The following TYW1B variants were observed in gnomAD, a reference collection of about 807,000 sequenced individuals.
TYW1B encodes the protein S-adenosyl-L-methionine-dependent tRNA 4-demethylwyosine synthase TYW1B.
In TYW1B, 73 loss-of-function variants were observed where a neutral mutation model predicts 86.9. The ratio of observed to expected loss-of-function variants is 0.84; its 90% confidence interval spans 0.70 to 1.02. TYW1B has a LOEUF of 1.02. Ranked by LOEUF, TYW1B falls within the 50% of genes least tolerant of loss-of-function variation. TYW1B has a pLI of 0.00. For missense variants in TYW1B, 637 were observed against 827.4 expected (o/e 0.77, Z 2.82); for synonymous variants, 248 against 292.8 (o/e 0.85, Z 1.56).
intron 13 of TYW1B, among the ~76,000 whole-genome samples, chr7:72,601,066 A>G (rs2129568049): frequency 6.6e-6 from 1 of 152,118 alleles, no homozygotes; most frequent in East Asian, 1.9e-4. Flanking sequence ...CTGAGGCAGA[A>G]GAATCGTTTG....
intron 10 of TYW1B, among the ~76,000 whole-genome samples, chr7:72,698,352 A>G (rs544371097): frequency 6.6e-6 from 1 of 152,290 alleles, no homozygotes; most frequent in Admixed American, 6.5e-5. Flanking sequence ...ATCTATAAAG[A>G]ATAAGCATCA....
At chr7:72,658,080 C>G (rs1224066659) in intron 11 of TYW1B, among the ~76,000 whole-genome samples, 1 of 151,916 alleles carries the variant, frequency 6.6e-6, no homozygotes, top group African/African-American at 2.4e-5. Flanking sequence ...ACAGTGAAAC[C>G]CCGTCTCTAC....
At chr7:72,670,000 A>C (rs1360725459) in intron 11 of TYW1B, among the ~76,000 whole-genome samples, 3 of 152,006 alleles carry the variant, frequency 2.0e-5, no homozygotes, top group African/African-American at 7.2e-5. Context: ...CTGTGGTGGC[A>C]CATGCCTGTA....
intron 7 of TYW1B, among the ~76,000 whole-genome samples, chr7:72,756,963 A>G (rs1787600698): frequency 6.6e-6 from 1 of 152,192 alleles, no homozygotes; most frequent in Non-Finnish European, 1.5e-5. Context: ...GATGGCAATA[A>G]TCAAAAAAAT....
chr7:72,639,865 CAA>C (rs34283765), intron 11 of TYW1B, among the ~76,000 whole-genome samples: 1,800 of 109,264 alleles, frequency 0.016, 34 homozygotes, highest in African/African-American at 0.048. Context: ...GACTCCATCT[CAA>C]AAAAAAAAAA....
chr7:72,731,393 C>CAAAAAAAAAAA (rs59262388), intron 8 of TYW1B, among the ~76,000 whole-genome samples: 8 of 33,034 alleles, frequency 2.4e-4, no homozygotes, highest in East Asian at 9.2e-4. Context: ...TACCAAACTG[C>CAAAAAAAAAAA]AAAAAAAAAA....
chr7:72,657,344 G>A (rs1486646178), intron 11 of TYW1B, among the ~76,000 whole-genome samples: 5 of 152,124 alleles, frequency 3.3e-5, no homozygotes, highest in African/African-American at 1.2e-4. Flanking sequence ...TATGTGACAT[G>A]CAGGACACCA....
At chr7:72,614,842 T>C (rs1238258247) in intron 13 of TYW1B, among the ~76,000 whole-genome samples, 1 of 152,212 alleles carries the variant, frequency 6.6e-6, no homozygotes, top group African/African-American at 2.4e-5. Context: ...AACAAAGCTA[T>C]GTTAACAAAG....
chr7:72,655,503 T>C (rs1296496317), intron 11 of TYW1B, among the ~76,000 whole-genome samples: 1 of 151,946 alleles, frequency 6.6e-6, no homozygotes, highest in Admixed American at 6.6e-5. Context: ...CCTGCTGGCA[T>C]CCCCCATGTT....
chr7:72,800,646 A>G (rs191723040), intron 6 of TYW1B, among the ~76,000 whole-genome samples: 256 of 150,246 alleles, frequency 1.7e-3, no homozygotes, highest in African/African-American at 5.9e-3. Context: ...AGTTTTAATT[A>G]GAGATACCTT....
intron 12 of TYW1B, among the ~76,000 whole-genome samples, chr7:72,624,668 C>G (rs1812297090): frequency 6.6e-6 from 1 of 152,204 alleles, no homozygotes; most frequent in East Asian, 1.9e-4. Flanking sequence ...GGACATTTCT[C>G]CCTGGGGTCT....
intron 11 of TYW1B, among the ~76,000 whole-genome samples, chr7:72,631,330 T>A (rs1220468444): frequency 2.6e-5 from 4 of 152,064 alleles, no homozygotes; most frequent in Non-Finnish European, 5.9e-5. Flanking sequence ...CTGGTCAACG[T>A]GGTGAAACCC....
chr7:72,687,200 G>T (rs1347311093), intron 11 of TYW1B, among the ~76,000 whole-genome samples: 1 of 152,140 alleles, frequency 6.6e-6, no homozygotes, highest in Admixed American at 6.5e-5. Flanking sequence ...CTTTGGGAGG[G>T]TAAGATGGGT....
chr7:72,726,264 AC>A (rs1261290061), intron 9 of TYW1B, among the ~76,000 whole-genome samples: 1 of 152,198 alleles, frequency 6.6e-6, no homozygotes, highest in African/African-American at 2.4e-5. Context: ...TTGTAAATGT[AC>A]AAAAAAAAGT....
intron 6 of TYW1B, among the ~76,000 whole-genome samples, chr7:72,786,408 C>A (rs1188199201): frequency 6.6e-6 from 1 of 151,982 alleles, no homozygotes; most frequent in Non-Finnish European, 1.5e-5. Flanking sequence ...AGCCCAAAAT[C>A]ATTTCATTTC....
At chr7:72,605,158 T>C (rs1399554337) in intron 13 of TYW1B, among the ~76,000 whole-genome samples, 1 of 152,150 alleles carries the variant, frequency 6.6e-6, no homozygotes, top group African/African-American at 2.4e-5. Flanking sequence ...ACAATGACAA[T>C]ATCACTGCAC....
At chr7:72,710,178 T>C (rs1356775915) in intron 10 of TYW1B, among the ~76,000 whole-genome samples, 1 of 152,180 alleles carries the variant, frequency 6.6e-6, no homozygotes, top group African/African-American at 2.4e-5. Context: ...GGTTATCATT[T>C]TGCAAAAAAT....
chr7:72,658,480 A>G (rs1403820281), intron 11 of TYW1B, among the ~76,000 whole-genome samples: 1 of 152,194 alleles, frequency 6.6e-6, no homozygotes, highest in Non-Finnish European at 1.5e-5. Context: ...GTCAATAAAG[A>G]TGGTTTCTAA....
At chr7:72,739,785 C>A (rs1554461731) in intron 8 of TYW1B, among the ~76,000 whole-genome samples, 2 of 143,286 alleles carry the variant, frequency 1.4e-5, no homozygotes, top group African/African-American at 5.2e-5. Flanking sequence ...CACCTGCATG[C>A]GCCTGGGATT....
Sources: allele counts gnomAD v4.1 joint callset (sites outside exome capture counted in the v4.1 genomes callset), GRCh38; gene constraint gnomAD v4.1.1; transcripts MANE v1.5; gene names NCBI Gene and HGNC (gene_info 2026-07-23, HGNC 2026-07-21).